The following ZFAT variants were observed in gnomAD, a reference collection of about 807,000 sequenced individuals.
The protein encoded by ZFAT is zinc finger protein ZFAT.
ZFAT carries 64 observed loss-of-function variants against 117.7 expected under a neutral mutation model. The observed-to-expected ratio is 0.54, with a 90% CI of 0.44 to 0.67. The LOEUF (loss-of-function observed/expected upper bound fraction) is 0.67. ZFAT is among the 30% of genes least tolerant of loss of function. The pLI, the probability that ZFAT is intolerant of heterozygous loss-of-function variation, is 0.00. For missense variants in ZFAT, 1,433 were observed against 1,584.5 expected (o/e 0.90, Z 1.62); for synonymous variants, 679 against 615.0 (o/e 1.10, Z -1.54).
chr8:134,607,624 A>G (rs1206949022), intron 5 of ZFAT, among the ~76,000 whole-genome samples: 1 of 152,270 alleles, frequency 6.6e-6, no homozygotes, highest in East Asian at 1.9e-4. Context: ...ACTCATACAG[A>G]GTAGTCTAGA....
chr8:134,612,455 TGGA>T (rs970767213), intron 3 of ZFAT, among the ~76,000 whole-genome samples: 5 of 152,262 alleles, frequency 3.3e-5, no homozygotes, highest in Admixed American at 3.3e-4. Flanking sequence ...AAAGATAAAA[TGGA>T]GGAGTATTCT....
At chr8:134,816,220 T>C in the ZFAT span, among the ~76,000 whole-genome samples, 1 of 152,310 alleles carries the variant, frequency 6.6e-6, no homozygotes, top group South Asian at 2.1e-4. Flanking sequence ...ATTAAATGAC[T>C]TTATCAAAGA....
chr8:134,496,789 G>A (rs1196388639), intron 15 of ZFAT, among the ~76,000 whole-genome samples: 1 of 152,092 alleles, frequency 6.6e-6, no homozygotes, highest in Admixed American at 6.5e-5. Flanking sequence ...GACGGGGTGA[G>A]GGAGGGTACT....
chr8:134,484,484 G>T (rs563072209), intron 15 of ZFAT, among the ~76,000 whole-genome samples: 2 of 152,170 alleles, frequency 1.3e-5, no homozygotes, highest in African/African-American at 2.4e-5. Context: ...TAGGGAAGAC[G>T]GTGCATTGTC....
chr8:134,655,271 T>A (rs1218337259), intron 2 of ZFAT, among the ~76,000 whole-genome samples: 1 of 152,100 alleles, frequency 6.6e-6, no homozygotes, highest in Admixed American at 6.6e-5. Flanking sequence ...AGGGTGGAAG[T>A]CGGAAAATGC....
chr8:134,744,233 A>G, the ZFAT span, among the ~76,000 whole-genome samples: 1 of 151,138 alleles, frequency 6.6e-6, no homozygotes, highest in Non-Finnish European at 1.5e-5. Context: ...TGAGGCCCCC[A>G]TCTTTTTGCA....
intron 7 of ZFAT, 135 bp downstream of exon 7, chr8:134,600,301 C>A (rs1332595529): frequency 6.0e-6 from 5 of 832,646 alleles, no homozygotes; most frequent in Non-Finnish European, 1.0e-5. Flanking sequence ...GCCACGTGCA[C>A]AGCTGTGTAA....
chr8:134,788,221 G>A, the ZFAT span, among the ~76,000 whole-genome samples: 1 of 151,948 alleles, frequency 6.6e-6, no homozygotes, highest in African/African-American at 2.4e-5. Flanking sequence ...AATAGTTTAG[G>A]TAATTGACTT....
intron 1 of ZFAT, among the ~76,000 whole-genome samples, chr8:134,658,264 G>A (rs1264014274): frequency 6.8e-6 from 1 of 147,834 alleles, no homozygotes; most frequent in African/African-American, 2.5e-5. Flanking sequence ...GTGAACCCGG[G>A]AGGTGAAGCT....
At chr8:134,553,283 A>C (rs1229101414) in intron 11 of ZFAT, among the ~76,000 whole-genome samples, 1 of 152,214 alleles carries the variant, frequency 6.6e-6, no homozygotes, top group East Asian at 1.9e-4. Flanking sequence ...AGGCAGGTGG[A>C]TCAAGAGTTA....
At chr8:134,672,641 A>G (rs145823013) in intron 1 of ZFAT, among the ~76,000 whole-genome samples, 13 of 152,338 alleles carry the variant, frequency 8.5e-5, no homozygotes, top group African/African-American at 3.1e-4. Context: ...AAAAGTAATG[A>G]AAAAAAGTCT....
At chr8:134,603,744 T>C (rs998965447) in intron 5 of ZFAT, among the ~76,000 whole-genome samples, 1 of 152,198 alleles carries the variant, frequency 6.6e-6, no homozygotes, top group Non-Finnish European at 1.5e-5. Context: ...CTTAGCCAAC[T>C]GGGCCTCTGT....
the ZFAT span, among the ~76,000 whole-genome samples, chr8:134,718,512 T>G: frequency 2.6e-5 from 4 of 152,138 alleles, no homozygotes; most frequent in East Asian, 7.7e-4. Flanking sequence ...AAAAAATAGT[T>G]TAGGAAAAGG....
chr8:134,826,020 CA>C, the ZFAT span, among the ~76,000 whole-genome samples: 263 of 87,752 alleles, frequency 3.0e-3, no homozygotes, highest in Middle Eastern at 6.8e-3. Context: ...GACTCTGTCT[CA>C]AAAAAAAAAA....
At chr8:134,507,878 A>G (rs1434666048) in intron 15 of ZFAT, among the ~76,000 whole-genome samples, 3 of 152,166 alleles carry the variant, frequency 2.0e-5, no homozygotes, top group African/African-American at 4.8e-5. Flanking sequence ...GACCCTTCCT[A>G]AAGTACCAGG....
At chr8:134,526,697 C>T (rs1821046673) in intron 12 of ZFAT, among the ~76,000 whole-genome samples, 1 of 152,064 alleles carries the variant, frequency 6.6e-6, no homozygotes, top group South Asian at 2.1e-4. Context: ...AATATAACTC[C>T]CAGAATGGCA....
chr8:134,789,511 C>G, the ZFAT span, among the ~76,000 whole-genome samples: 2 of 152,280 alleles, frequency 1.3e-5, no homozygotes, highest in South Asian at 4.1e-4. Flanking sequence ...ATTTTTCACT[C>G]AAAAGTCTTA....
chr8:134,658,060 G>A (rs138061141), intron 1 of ZFAT, among the ~76,000 whole-genome samples: 90 of 152,282 alleles, frequency 5.9e-4, no homozygotes, highest in African/African-American at 1.7e-3. Flanking sequence ...ATATGCGGCC[G>A]GGCGCGGTGG....
chr8:134,671,300 A>G, intron 1 of ZFAT, among the ~76,000 whole-genome samples: 1 of 152,202 alleles, frequency 6.6e-6, no homozygotes, highest in East Asian at 1.9e-4. Context: ...GACACAACAA[A>G]AAAAGAGAAT....
Sources: allele counts gnomAD v4.1 joint callset (sites outside exome capture counted in the v4.1 genomes callset), GRCh38; gene constraint gnomAD v4.1.1; transcripts MANE v1.5; gene names NCBI Gene and HGNC (gene_info 2026-07-23, HGNC 2026-07-21).